Variants in MRPS6 observed in about 807,000 individuals in gnomAD.
MRPS6 encodes small ribosomal subunit protein bS6m.
Under a neutral mutation model 13.1 loss-of-function variants are expected in MRPS6, and 6 were observed. The ratio of observed to expected loss-of-function variants is 0.46; its 90% CI spans 0.25 to 0.91. The LOEUF (loss-of-function observed/expected upper bound fraction) is 0.91. Ranked by LOEUF, MRPS6 falls within the 40% of genes least tolerant of loss-of-function variation. The pLI, the probability that MRPS6 is intolerant of heterozygous loss-of-function variation, is 0.18. For synonymous variants in MRPS6, 61 were observed against 56.5 expected (o/e 1.08, Z -0.36); for missense variants, 164 against 155.6 (o/e 1.05, Z -0.29).
intron 2 of MRPS6, among the ~76,000 whole-genome samples, chr21:34,142,207 A>G (rs1011916968): frequency 2.0e-5 from 3 of 152,218 alleles, no homozygotes; most frequent in Non-Finnish European, 4.4e-5. Flanking sequence ...GACCATAGAA[A>G]AAGGGAGATT....
intron 2 of MRPS6, among the ~76,000 whole-genome samples, chr21:34,141,503 C>G (rs1302586621): frequency 6.6e-6 from 1 of 152,124 alleles, no homozygotes; most frequent in African/African-American, 2.4e-5. Flanking sequence ...AGTACAAAGG[C>G]CTGGGAGGGG....
chr21:34,116,015 C>T (rs1156266971), intron 1 of MRPS6, among the ~76,000 whole-genome samples: 1 of 151,610 alleles, frequency 6.6e-6, no homozygotes, highest in Non-Finnish European at 1.5e-5. Flanking sequence ...GGATCATACC[C>T]CATCCCAACC....
intron 1 of MRPS6, chr21:34,102,796 T>C (rs1979307100): frequency 1.5e-5 from 15 of 999,992 alleles, no homozygotes; most frequent in Admixed American, 6.2e-5. Flanking sequence ...ATAACATAAT[T>C]GTTGTCCATG....
At chr21:34,090,944 G>T (rs931976925) in intron 1 of MRPS6, among the ~76,000 whole-genome samples, 3 of 152,202 alleles carry the variant, frequency 2.0e-5, no homozygotes, top group Non-Finnish European at 4.4e-5. Flanking sequence ...AAATCTGTCT[G>T]TTGGGGTGGG....
At chr21:34,103,223 G>T in intron 1 of MRPS6, 7 of 999,252 alleles carry the variant, frequency 7.0e-6, no homozygotes, top group Non-Finnish European at 8.4e-6. Context: ...CTGGTTACCA[G>T]TATTGACTCT....
intron 1 of MRPS6, chr21:34,098,068 A>G (rs1312812277): frequency 1.0e-6 from 1 of 999,260 alleles, no homozygotes; most frequent in Non-Finnish European, 1.2e-6. Flanking sequence ...GTAAAGTTAC[A>G]TGTCATGATT....
At chr21:34,103,588 C>T (rs569560127) in intron 1 of MRPS6, 1 of 1,000,162 alleles carries the variant, frequency 1.0e-6, no homozygotes, top group African/African-American at 1.7e-5. Context: ...ATCGTGTTCA[C>T]ACATTAGTGT....
At chr21:34,122,347 T>C (rs1980149929) in intron 1 of MRPS6, 1 of 152,210 alleles carries the variant, frequency 6.6e-6, no homozygotes, top group African/African-American at 2.4e-5. Flanking sequence ...TGGGGCGTTA[T>C]TTTTGCTCCT....
intron 1 of MRPS6, among the ~76,000 whole-genome samples, chr21:34,112,117 TTTTAAA>T (rs1452400108): frequency 6.6e-6 from 1 of 152,228 alleles, no homozygotes; most frequent in African/African-American, 2.4e-5. Flanking sequence ...AGTGAAGATC[TTTTAAA>T]TTTTATGACT....
intron 1 of MRPS6, chr21:34,095,000 A>T (rs1355197506): frequency 1.6e-6 from 1 of 621,746 alleles, no homozygotes; most frequent in Non-Finnish European, 2.6e-6. Flanking sequence ...GAAGCGGAAA[A>T]TTTAAACTGT....
At chr21:34,081,955 C>T (rs753938351) in intron 1 of MRPS6, among the ~76,000 whole-genome samples, 1 of 151,858 alleles carries the variant, frequency 6.6e-6, no homozygotes, top group Non-Finnish European at 1.5e-5. Flanking sequence ...TACTCTGCTC[C>T]CATCTATTAT....
chr21:34,090,364 A>C (rs2834377), intron 1 of MRPS6, among the ~76,000 whole-genome samples: 28,762 of 152,200 alleles, frequency 0.19, 5,325 homozygotes, highest in African/African-American at 0.48. Context: ...CTTTCCTAGA[A>C]CTTGAGTCAA....
chr21:34,099,416 T>C (rs1035339612), intron 1 of MRPS6: 6 of 1,000,088 alleles, frequency 6.0e-6, no homozygotes, highest in Non-Finnish European at 7.2e-6. Flanking sequence ...GGAACTGTTC[T>C]TCCTTTGGGA....
chr21:34,090,096 A>G (rs569212734), intron 1 of MRPS6, among the ~76,000 whole-genome samples: 23 of 152,218 alleles, frequency 1.5e-4, no homozygotes, highest in African/African-American at 5.5e-4. Flanking sequence ...ATTTGGGAGG[A>G]GCATTTCAGA....
chr21:34,119,253 A>G (rs1399092004), intron 1 of MRPS6, among the ~76,000 whole-genome samples: 1 of 152,122 alleles, frequency 6.6e-6, no homozygotes, highest in Non-Finnish European at 1.5e-5. Context: ...CACTTCACAT[A>G]TTTTTATGTA....
intron 1 of MRPS6, among the ~76,000 whole-genome samples, chr21:34,117,376 T>C (rs1250554899): frequency 1.3e-5 from 2 of 152,218 alleles, no homozygotes; most frequent in African/African-American, 2.4e-5. Context: ...AGGGTCTGGC[T>C]GAAATCTGCT....
intron 1 of MRPS6, chr21:34,099,140 A>G: frequency 8.0e-6 from 8 of 999,518 alleles, no homozygotes; most frequent in Non-Finnish European, 9.6e-6. Context: ...ATGAAAAAAT[A>G]ATTTATGTAT....
intron 1 of MRPS6, among the ~76,000 whole-genome samples, chr21:34,082,387 C>T (rs1035949804): frequency 6.6e-6 from 1 of 152,172 alleles, no homozygotes; most frequent in Non-Finnish European, 1.5e-5. Context: ...GAGGGAGTGA[C>T]ATTCACAGTC....
intron 1 of MRPS6, among the ~76,000 whole-genome samples, chr21:34,111,869 A>G (rs1177007729): frequency 7.3e-6 from 1 of 137,858 alleles, no homozygotes; most frequent in Non-Finnish European, 1.6e-5. Flanking sequence ...TTGTTGCTGT[A>G]TTGTTCCCCA....
Sources: allele counts gnomAD v4.1 joint callset (sites outside exome capture counted in the v4.1 genomes callset), GRCh38; gene constraint gnomAD v4.1.1; transcripts MANE v1.5; gene names NCBI Gene and HGNC (gene_info 2026-07-23, HGNC 2026-07-21).